GRID2: variants seen among roughly 807,000 people sequenced by gnomAD.
The protein encoded by GRID2 is glutamate receptor ionotropic, delta-2.
In GRID2, 33 loss-of-function variants were observed where a neutral mutation model predicts 114.8. The ratio of observed to expected loss-of-function variants is 0.29; its 90% CI spans 0.22 to 0.38. The LOEUF (loss-of-function observed/expected upper bound fraction) is 0.38. GRID2 is among the 10% of genes least tolerant of loss of function. The pLI is 1.00. For missense variants in GRID2, 1,184 were observed against 1,257.7 expected (o/e 0.94, Z 0.89); for synonymous variants, 505 against 449.9 (o/e 1.12, Z -1.55).
chr4:92,767,516 C>T (rs551529273), intron 2 of GRID2, among the ~76,000 whole-genome samples: 2 of 152,114 alleles, frequency 1.3e-5, no homozygotes, highest in East Asian at 3.9e-4. Context: ...CATGGGAGGC[C>T]AAGACAGGCA....
At chr4:92,742,164 A>T (rs892187409) in intron 2 of GRID2, among the ~76,000 whole-genome samples, 1 of 152,130 alleles carries the variant, frequency 6.6e-6, no homozygotes, top group African/African-American at 2.4e-5. Context: ...ATTTATAGTG[A>T]CTTCTTTCTT....
At position 92,430,048 on chromosome 4, in the gene GRID2, G is replaced by A. The variant is rs1329258945; in HGVS notation, c.88+125304G>A. Among the ~76,000 whole-genome samples the A allele has an allele frequency of 4.6e-5, 7 of 152,216 alleles. No individual in the cohort carries two copies. The East Asian group carries it at 1.2e-3, about 25-fold the overall frequency. On this transcript the variant is annotated intron_variant, in intron 1 of 15. Coordinates refer to ENST00000282020, the MANE Select transcript of GRID2 (RefSeq NM_001510.4). ...GTTTGCAAATATTTTCTCCCATTGTGTGAGTTGTCTCTTCACTTTTTTGAT... is the reference window on the plus strand; with the variant it reads ...GTTTGCAAATATTTTCTCCCATTGTATGAGTTGTCTCTTCACTTTTTTGAT...
intron 8 of GRID2, among the ~76,000 whole-genome samples, chr4:93,277,669 T>C (rs1752202093): frequency 6.6e-6 from 1 of 151,944 alleles, no homozygotes; most frequent in Non-Finnish European, 1.5e-5. Flanking sequence ...AAATATGATA[T>C]GCATATTTTC....
chr4:93,290,342 A>C (rs1377317602), intron 8 of GRID2, among the ~76,000 whole-genome samples: 1 of 152,152 alleles, frequency 6.6e-6, no homozygotes, highest in Non-Finnish European at 1.5e-5. Flanking sequence ...TTAGGAGATG[A>C]TTCTGATTTT....
chr4:92,336,959 T>G (rs1560573994), intron 1 of GRID2, among the ~76,000 whole-genome samples: 1 of 148,688 alleles, frequency 6.7e-6, no homozygotes, highest in African/African-American at 2.5e-5. Flanking sequence ...TTGTTGTTTT[T>G]TTTTTTTTTT....
chr4:92,610,180 T>C (rs994037447), intron 2 of GRID2, among the ~76,000 whole-genome samples: 1 of 151,630 alleles, frequency 6.6e-6, no homozygotes, highest in Non-Finnish European at 1.5e-5. Flanking sequence ...TGCCTTAGAC[T>C]GACACCCCCT....
chr4:93,086,603 AAC>A (rs1578948886), intron 3 of GRID2, among the ~76,000 whole-genome samples: 1 of 152,160 alleles, frequency 6.6e-6, no homozygotes, highest in Non-Finnish European at 1.5e-5. Context: ...ACTCTCTGGA[AAC>A]ACACTCCTTT....
chr4:92,440,384 A>T (rs1579363438), intron 1 of GRID2, among the ~76,000 whole-genome samples: 2 of 149,744 alleles, frequency 1.3e-5, no homozygotes, highest in South Asian at 4.3e-4. Context: ...GCCTTCTCAG[A>T]CCCTGTAGGA....
At chr4:93,217,971 C>G (rs985158694) in intron 6 of GRID2, among the ~76,000 whole-genome samples, 1 of 151,682 alleles carries the variant, frequency 6.6e-6, no homozygotes, top group Non-Finnish European at 1.5e-5. Flanking sequence ...AAATATAACC[C>G]TAGGAAAACT....
intron 1 of GRID2, among the ~76,000 whole-genome samples, chr4:92,342,802 G>A (rs188973131): frequency 6.6e-6 from 1 of 152,260 alleles, no homozygotes; most frequent in African/African-American, 2.4e-5. Flanking sequence ...AAAACTGGCA[G>A]CTGCTTCCCA....
intron 2 of GRID2, among the ~76,000 whole-genome samples, chr4:92,740,373 G>A (rs1332067466): frequency 6.6e-6 from 1 of 152,162 alleles, no homozygotes; most frequent in Non-Finnish European, 1.5e-5. Flanking sequence ...ATGCATGTCA[G>A]TGTTCATCTC....
chr4:92,880,738 T>C (rs1240116619), intron 2 of GRID2, among the ~76,000 whole-genome samples: 2 of 152,168 alleles, frequency 1.3e-5, no homozygotes, highest in African/African-American at 4.8e-5. Flanking sequence ...TTTTTTATTT[T>C]GGACATAATT....
At chr4:92,572,266 T>A (rs975868030) in intron 1 of GRID2, among the ~76,000 whole-genome samples, 2 of 152,086 alleles carry the variant, frequency 1.3e-5, no homozygotes, top group African/African-American at 4.8e-5. Flanking sequence ...TCTCTGCAAA[T>A]AAACTAGAAA....
intron 14 of GRID2, among the ~76,000 whole-genome samples, chr4:93,638,301 CTT>C (rs1184003180): frequency 1.4e-4 from 11 of 77,302 alleles, no homozygotes; most frequent in African/African-American, 2.0e-4. Context: ...AAACTTGCAT[CTT>C]TTTTTTTTTT....
At chr4:93,103,876 C>T (rs1731938084) in intron 3 of GRID2, among the ~76,000 whole-genome samples, 1 of 145,482 alleles carries the variant, frequency 6.9e-6, no homozygotes, top group African/African-American at 2.6e-5. Flanking sequence ...CTGAGCGTTT[C>T]TGATCCCATA....
intron 13 of GRID2, among the ~76,000 whole-genome samples, chr4:93,548,125 C>T (rs995686459): frequency 1.3e-5 from 2 of 151,696 alleles, no homozygotes; most frequent in Admixed American, 6.6e-5. Flanking sequence ...TGCGGTGAGC[C>T]GAGATGGTGC....
chr4:92,726,319 G>A (rs1294314428), intron 2 of GRID2, among the ~76,000 whole-genome samples: 1 of 152,098 alleles, frequency 6.6e-6, no homozygotes, highest in Non-Finnish European at 1.5e-5. Context: ...AAACACATAA[G>A]TAATGCATTG....
At chr4:92,380,109 T>G (rs1729544195) in intron 1 of GRID2, among the ~76,000 whole-genome samples, 1 of 151,960 alleles carries the variant, frequency 6.6e-6, no homozygotes, top group Non-Finnish European at 1.5e-5. Flanking sequence ...TTTGTTAGCA[T>G]CAGCAAAGCA....
chr4:93,803,078 A>G (rs1734962745), intron 1 of GRID2, among the ~76,000 whole-genome samples: 1 of 152,218 alleles, frequency 6.6e-6, no homozygotes, highest in Non-Finnish European at 1.5e-5. Context: ...CTCACATCCT[A>G]TGTACATGCA....
Sources: gnomAD v4.1 joint callset for allele counts (sites outside exome capture counted in the v4.1 genomes callset) on GRCh38, gnomAD v4.1.1 for gene constraint, MANE v1.5 for transcripts, NCBI Gene and HGNC (gene_info 2026-07-23, HGNC 2026-07-21) for gene names.